The following NT5DC3 variants were observed in gnomAD, a reference collection of about 807,000 sequenced individuals.
The protein encoded by NT5DC3 is 5'-nucleotidase domain containing 3.
A neutral mutation model predicts 67.8 loss-of-function variants in NT5DC3; 42 were observed. That is an observed-to-expected ratio of 0.62 (90% CI 0.48 to 0.80). The LOEUF (loss-of-function observed/expected upper bound fraction) is 0.80. NT5DC3 is among the 30% of genes least tolerant of loss of function. The pLI is 0.00. For synonymous variants in NT5DC3, 237 were observed against 255.6 expected, an observed-to-expected ratio of 0.93 and a Z score of 0.69; for missense variants, 570 against 696.4, an observed-to-expected ratio of 0.82 and a Z score of 2.04.
At chr12:103,797,754 T>C (rs1327560378) in intron 5 of NT5DC3, among the ~76,000 whole-genome samples, 1 of 152,176 alleles carries the variant, frequency 6.6e-6, no homozygotes. Context: ...ACATTTGAGC[T>C]TAAAAAAGAG....
chr12:103,761,566 G>A, the NT5DC3 span, among the ~76,000 whole-genome samples: 6,982 of 151,764 alleles, frequency 0.046, 352 homozygotes, highest in East Asian at 0.17. Flanking sequence ...GGCCAGGACC[G>A]CCCAACCCTG....
At chr12:103,834,208 G>A (rs1888051417) in intron 1 of NT5DC3, among the ~76,000 whole-genome samples, 1 of 151,776 alleles carries the variant, frequency 6.6e-6, no homozygotes, top group Non-Finnish European at 1.5e-5. Context: ...GAAAACTGCA[G>A]CAGCTAATGT....
At chr12:103,801,933 C>T (rs1886603087) in intron 4 of NT5DC3, 1 of 152,346 alleles carries the variant, frequency 6.6e-6, no homozygotes, top group Non-Finnish European at 1.5e-5. Context: ...GCACTGGAAT[C>T]ATGCCTGCTT....
the NT5DC3 span, chr12:103,762,449 C>G: frequency 6.2e-7 from 1 of 1,613,490 alleles, no homozygotes; most frequent in Non-Finnish European, 8.5e-7. Context: ...TCTCCAAAAA[C>G]CCAGTCCCTG....
intron 12 of NT5DC3, among the ~76,000 whole-genome samples, chr12:103,780,986 T>C (rs1885527469): frequency 1.7e-5 from 1 of 60,332 alleles, no homozygotes; most frequent in Non-Finnish European, 3.6e-5. Flanking sequence ...AAACAATTAT[T>C]TTTTTGCAAA....
At chr12:103,831,282 G>A (rs961177576) in intron 1 of NT5DC3, among the ~76,000 whole-genome samples, 5 of 152,132 alleles carry the variant, frequency 3.3e-5, no homozygotes, top group South Asian at 4.1e-4. Flanking sequence ...CTCTCCTGAT[G>A]CCCTGTGAAG....
At chr12:103,757,880 G>A in the NT5DC3 span, 5 of 414,764 alleles carry the variant, frequency 1.2e-5, no homozygotes, top group African/African-American at 2.0e-5. Flanking sequence ...GCCACTGCAG[G>A]ATTTTGAGAA....
intron 9 of NT5DC3, among the ~76,000 whole-genome samples, chr12:103,790,936 G>C (rs548115336): frequency 6.6e-6 from 1 of 151,408 alleles, no homozygotes; most frequent in Non-Finnish European, 1.5e-5. Context: ...TGATCCGCCC[G>C]CCTCAGCCTC....
chr12:103,788,747 G>T (rs1593390425), intron 10 of NT5DC3, 91 bp downstream of exon 10: 2 of 832,858 alleles, frequency 2.4e-6, no homozygotes, highest in East Asian at 4.8e-5. Context: ...ACTGTGCCAG[G>T]CATACAGTAA....
At chr12:103,793,721 C>T (rs1404074421) in intron 7 of NT5DC3, among the ~76,000 whole-genome samples, 2 of 152,198 alleles carry the variant, frequency 1.3e-5, no homozygotes, top group African/African-American at 2.4e-5. Flanking sequence ...GTGGAAACAA[C>T]TAAGTGGCTA....
intron 3 of NT5DC3, 53 bp downstream of exon 3, chr12:103,806,802 A>C: frequency 8.6e-7 from 1 of 1,156,962 alleles, no homozygotes; most frequent in South Asian, 1.3e-5. Flanking sequence ...CCAACAGTAC[A>C]TTTCATTTCC....
At chr12:103,756,808 T>C in the NT5DC3 span, among the ~76,000 whole-genome samples, 5 of 151,896 alleles carry the variant, frequency 3.3e-5, no homozygotes, top group Non-Finnish European at 1.5e-5. Flanking sequence ...AGACCAAAGA[T>C]ATCCATCTCA....
the NT5DC3 span, chr12:103,763,859 C>A: frequency 2.8e-6 from 1 of 357,354 alleles, no homozygotes; most frequent in South Asian, 7.8e-5. Flanking sequence ...AGGTTGTTAT[C>A]CAAGCCCAAT....
intron 9 of NT5DC3, among the ~76,000 whole-genome samples, chr12:103,790,574 C>CA (rs1886002583): frequency 6.6e-6 from 1 of 151,898 alleles, no homozygotes; most frequent in Non-Finnish European, 1.5e-5. Context: ...TTTGTAGAGA[C>CA]AGTCTCCCTA....
intron 6 of NT5DC3, among the ~76,000 whole-genome samples, chr12:103,794,521 A>G (rs998312317): frequency 1.3e-5 from 2 of 152,212 alleles, no homozygotes; most frequent in African/African-American, 2.4e-5. Context: ...GCAATTTCCA[A>G]TGCAATTTTC....
chr12:103,754,758 T>G, the NT5DC3 span, among the ~76,000 whole-genome samples: 1 of 152,118 alleles, frequency 6.6e-6, no homozygotes, highest in African/African-American at 2.4e-5. Flanking sequence ...AAGACCAGCC[T>G]GATCATGGAG....
At chr12:103,779,467 C>G (rs1470327563) in intron 13 of NT5DC3, among the ~76,000 whole-genome samples, 3 of 152,206 alleles carry the variant, frequency 2.0e-5, no homozygotes, top group Admixed American at 2.0e-4. Flanking sequence ...GAATAAGACT[C>G]AGACAGCCAA....
chr12:103,793,584 G>A, intron 7 of NT5DC3, 72 bp from the exon 8 acceptor site: 5 of 1,115,842 alleles, frequency 4.5e-6, no homozygotes, highest in South Asian at 3.8e-5. Context: ...TTTCTAAATG[G>A]GGGTTTGGGT....
At chr12:103,812,333 T>C (rs1887067713) in intron 2 of NT5DC3, among the ~76,000 whole-genome samples, 1 of 152,192 alleles carries the variant, frequency 6.6e-6, no homozygotes. Context: ...TTTTGTTTAA[T>C]CAGAAGAGAA....
Sources: allele counts gnomAD v4.1 joint callset (sites outside exome capture counted in the v4.1 genomes callset), GRCh38; gene constraint gnomAD v4.1.1; transcripts MANE v1.5; gene names NCBI Gene and HGNC (gene_info 2026-07-23, HGNC 2026-07-21).